BBS9: variants seen among roughly 807,000 people sequenced by gnomAD.
BBS9 encodes Bardet-Biedl syndrome 9.
In BBS9, 89 loss-of-function variants were observed where a neutral mutation model predicts 117.7. The observed-to-expected ratio is 0.76, with a 90% CI of 0.64 to 0.90. BBS9 has a LOEUF of 0.90. Ranked by LOEUF, BBS9 falls within the 40% of genes least tolerant of loss-of-function variation. The probability of loss-of-function intolerance (pLI) is 0.00; values close to 1 mark genes in which losing one functional copy is unlikely to be tolerated. For missense variants in BBS9, 982 were observed against 1,042.2 expected (o/e 0.94, Z 0.80); for synonymous variants, 379 against 370.9 (o/e 1.02, Z -0.25).
At chr7:33,429,994 T>A (rs1489811010) in intron 19 of BBS9, among the ~76,000 whole-genome samples, 1 of 152,196 alleles carries the variant, frequency 6.6e-6, no homozygotes, top group Non-Finnish European at 1.5e-5. Flanking sequence ...CTTTTCCCCA[T>A]GAAGTCAGGT....
intron 19 of BBS9, among the ~76,000 whole-genome samples, chr7:33,419,348 A>T (rs1168471978): frequency 2.0e-5 from 3 of 152,192 alleles, no homozygotes; most frequent in Non-Finnish European, 4.4e-5. Flanking sequence ...ATTTTAAAAT[A>T]TTGCTTTCTT....
chr7:33,492,852 G>GTGTGTGTGTGTGTGTT (rs1244648763), intron 19 of BBS9, among the ~76,000 whole-genome samples: 1 of 143,932 alleles, frequency 6.9e-6, no homozygotes. Flanking sequence ...GTGTGTGTGT[G>GTGTGTGTGTGTGTGTT]TGTATGTGTT....
At chr7:33,170,777 A>G (rs1159510683) in intron 4 of BBS9, among the ~76,000 whole-genome samples, 2 of 150,360 alleles carry the variant, frequency 1.3e-5, no homozygotes, top group Non-Finnish European at 3.0e-5. Flanking sequence ...AAATCAATGT[A>G]CAAAAATCAC....
intron 16 of BBS9, among the ~76,000 whole-genome samples, chr7:33,363,712 G>A (rs1276173731): frequency 1.3e-5 from 2 of 150,888 alleles, no homozygotes; most frequent in Non-Finnish European, 2.9e-5. Context: ...ACCAGGTTGA[G>A]GAAGTTCCCT....
chr7:33,336,415 G>A, intron 9 of BBS9, 26 bp from the exon 10 acceptor site: 1 of 1,590,600 alleles, frequency 6.3e-7, no homozygotes, highest in Non-Finnish European at 8.6e-7. Context: ...TTAAAATTAT[G>A]TCTCATTTTC....
chr7:33,431,237 C>A (rs912261175), intron 19 of BBS9, among the ~76,000 whole-genome samples: 2 of 151,534 alleles, frequency 1.3e-5, no homozygotes, highest in Non-Finnish European at 2.9e-5. Context: ...TACTGGTTAC[C>A]TAAGAAAGCT....
At chr7:33,395,436 G>C (rs1383719296) in intron 19 of BBS9, among the ~76,000 whole-genome samples, 2 of 152,084 alleles carry the variant, frequency 1.3e-5, no homozygotes, top group Middle Eastern at 6.3e-3. Context: ...CCTATGACTT[G>C]GCTTATGTTT....
intron 19 of BBS9, among the ~76,000 whole-genome samples, chr7:33,436,299 A>C (rs1835295244): frequency 6.6e-6 from 1 of 152,158 alleles, no homozygotes; most frequent in Admixed American, 6.5e-5. Context: ...ATGTTTTTGC[A>C]TTGTGAAATA....
chr7:33,551,200 G>A (rs1882039), intron 21 of BBS9, among the ~76,000 whole-genome samples: 75,203 of 151,938 alleles, frequency 0.49, 19,185 homozygotes, highest in South Asian at 0.61. Flanking sequence ...CATTGTCCTC[G>A]TAAGGATCAT....
At chr7:33,571,190 A>G (rs1563379292) in intron 21 of BBS9, among the ~76,000 whole-genome samples, 2 of 152,200 alleles carry the variant, frequency 1.3e-5, no homozygotes, top group South Asian at 2.1e-4. Context: ...AAAAGTTTAT[A>G]AAGAGGAACT....
intron 21 of BBS9, among the ~76,000 whole-genome samples, chr7:33,628,937 C>T (rs1408361986): frequency 1.3e-5 from 2 of 152,184 alleles, no homozygotes; most frequent in Non-Finnish European, 2.9e-5. Flanking sequence ...ACACAAACAA[C>T]ACAGTAAATG....
chr7:33,449,737 C>G (rs1200184176), intron 19 of BBS9, among the ~76,000 whole-genome samples: 1 of 152,170 alleles, frequency 6.6e-6, no homozygotes, highest in Non-Finnish European at 1.5e-5. Flanking sequence ...ACTCAACCAA[C>G]TGTATTTCTT....
At chr7:33,525,873 G>T (rs1318698725) in intron 20 of BBS9, among the ~76,000 whole-genome samples, 1 of 151,148 alleles carries the variant, frequency 6.6e-6, no homozygotes, top group Admixed American at 6.6e-5. Flanking sequence ...GCATGATTTT[G>T]CAGCGGCTGG....
intron 20 of BBS9, among the ~76,000 whole-genome samples, chr7:33,532,903 A>C (rs777385943): frequency 4.6e-5 from 7 of 152,120 alleles, no homozygotes; most frequent in Non-Finnish European, 7.3e-5. Flanking sequence ...GTTCTTTATA[A>C]TTGTATTGGA....
At chr7:33,177,768 C>A in intron 5 of BBS9, 177 bp downstream of exon 5, 1 of 604,766 alleles carries the variant, frequency 1.7e-6, no homozygotes, top group South Asian at 1.8e-5. Flanking sequence ...CTGAATGTGC[C>A]TGATATCGTC....
chr7:33,256,161 CAAACAAA>C lies in BBS9; in HGVS notation c.443-1071_443-1065del, dbSNP rs1231567589. 3.6e-5 allele frequency among the ~76,000 whole-genome samples: 4 copies of C among 111,706 alleles called. No individual in the cohort carries two copies. The East Asian group carries it at 1.1e-3, about 31-fold the overall frequency. 73.3% of individuals were successfully genotyped at this position (111,706 alleles called of 152,430 possible). On this transcript the variant is annotated intron_variant, in intron 5 of 22. Coordinates refer to ENST00000242067, the MANE Select transcript of BBS9 (RefSeq NM_198428.3). Reference sequence around the variant, plus strand: ...AGTGAGACTCTGTCTCAAATAAAAACAAACAAAAAAAACAAACAAAAAAAACCAAAAC... The same window carrying C: ...AGTGAGACTCTGTCTCAAATAAAAACAAAAACAAACAAAAAAAACCAAAAC...
chr7:33,336,627 C>T lies in BBS9; in HGVS notation c.1198+5C>T, dbSNP rs1326433856. 30 of 1,581,618 alleles carry T rather than the reference C, an allele frequency of 1.9e-5. No homozygotes were observed. The highest frequency in any genetic ancestry group is 2.6e-5 in the Non-Finnish European group (30 of 1,153,578). On this transcript the variant is annotated splice_donor_5th_base_variant and intron_variant, in intron 10 of 22. Transcript: ENST00000242067. Reference sequence around the variant, plus strand: ...AAGATGTTAACAAATCACAAGGTATCTCATTTGCAGCTTTTTATTATTTTA... The same window carrying T: ...AAGATGTTAACAAATCACAAGGTATTTCATTTGCAGCTTTTTATTATTTTA...
chr7:33,311,645 C>T (rs550302459), intron 9 of BBS9, among the ~76,000 whole-genome samples: 34 of 152,220 alleles, frequency 2.2e-4, no homozygotes, highest in Middle Eastern at 3.4e-3. Context: ...GAGAAAACCC[C>T]GTCTCTACTG....
intron 21 of BBS9, among the ~76,000 whole-genome samples, chr7:33,565,795 A>AC (rs1271212604): frequency 2.5e-5 from 1 of 40,416 alleles, no homozygotes; most frequent in Non-Finnish European, 4.0e-5. Context: ...ATATATATAT[A>AC]TATATATATA....
Sources: gnomAD v4.1 joint callset for allele counts (sites outside exome capture counted in the v4.1 genomes callset) on GRCh38, gnomAD v4.1.1 for gene constraint, MANE v1.5 for transcripts, NCBI Gene and HGNC (gene_info 2026-07-23, HGNC 2026-07-21) for gene names.